HDAC9: variants seen among roughly 807,000 people sequenced by gnomAD.
HDAC9 encodes MEF-2 interacting transcription repressor (MITR) protein.
A neutral mutation model predicts 139.4 loss-of-function variants in HDAC9; 41 were observed. The ratio of observed to expected loss-of-function variants is 0.29; its 90% CI spans 0.23 to 0.38. The LOEUF is 0.38. Among genes scored for constraint, HDAC9 ranks in the 10% least tolerant of loss-of-function variants. The pLI, the probability that HDAC9 is intolerant of heterozygous loss-of-function variation, is 1.00. For missense variants in HDAC9, 1,147 were observed against 1,297.0 expected (o/e 0.88, Z 1.78); for synonymous variants, 517 against 476.2 (o/e 1.09, Z -1.12).
chr7:18,496,400 A>C, intron 2 of HDAC9, 76 bp downstream of exon 2: 1 of 1,294,570 alleles, frequency 7.7e-7, no homozygotes, highest in Non-Finnish European at 1.1e-6. Flanking sequence ...TAAGAAAAGC[A>C]CCTCTCTTAA....
chr7:18,835,644 G>A (rs768340352), intron 20 of HDAC9, 58 bp downstream of exon 20: 10 of 1,591,594 alleles, frequency 6.3e-6, no homozygotes, highest in South Asian at 4.4e-5. Context: ...TAATTGCATT[G>A]CATGATTACC....
At chr7:18,347,930 G>T (rs998005836) in intron 1 of HDAC9, among the ~76,000 whole-genome samples, 3 of 152,112 alleles carry the variant, frequency 2.0e-5, no homozygotes, top group Non-Finnish European at 2.9e-5. Flanking sequence ...CAAAGTAGAT[G>T]ATAAGTATTG....
At chr7:18,654,548 A>AG (rs1477357726) in intron 11 of HDAC9, among the ~76,000 whole-genome samples, 8 of 152,166 alleles carry the variant, frequency 5.3e-5, no homozygotes, top group Admixed American at 5.2e-4. Context: ...TGGCAGGGCT[A>AG]GTGCAGAGCT....
intron 11 of HDAC9, among the ~76,000 whole-genome samples, chr7:18,649,025 T>C (rs28444384): frequency 0.037 from 5,660 of 152,272 alleles, 375 homozygotes; most frequent in African/African-American, 0.13. Context: ...GAATGTGGTG[T>C]GTTGACATGT....
At chr7:18,867,150 C>T (rs180777010) in intron 21 of HDAC9, among the ~76,000 whole-genome samples, 264 of 152,244 alleles carry the variant, frequency 1.7e-3, no homozygotes, top group Non-Finnish European at 2.9e-3. Context: ...GGGGTGGAGA[C>T]ATGCAGGGAA....
intron 22 of HDAC9, among the ~76,000 whole-genome samples, chr7:18,934,514 G>A (rs1007842773): frequency 2.6e-5 from 4 of 152,178 alleles, no homozygotes; most frequent in Non-Finnish European, 5.9e-5. Flanking sequence ...TAACAGCACT[G>A]TGAAATTATG....
At chr7:18,949,422 C>T in intron 23 of HDAC9, 1 of 243,736 alleles carries the variant, frequency 4.1e-6, no homozygotes, top group Non-Finnish European at 8.2e-6. Flanking sequence ...TTAAGTGCTG[C>T]CCATTAATAT....
intron 13 of HDAC9, among the ~76,000 whole-genome samples, chr7:18,729,965 A>ATT (rs1469948302): frequency 6.6e-6 from 1 of 152,230 alleles, no homozygotes; most frequent in African/African-American, 2.4e-5. Context: ...CATTGTAACT[A>ATT]TTGTTCCGCT....
rs1004178841 is a variant in HDAC9, at chr7:18,524,069, A to C, written c.22+27745A>C. ...ACTATGAAAACATAGAGGGGAAAGAAGCACTTCTTCATCTGGCTGGGTTAG... is the reference window on the plus strand; with the variant it reads ...ACTATGAAAACATAGAGGGGAAAGACGCACTTCTTCATCTGGCTGGGTTAG... On this transcript the variant is annotated intron_variant, in intron 2 of 25. Transcript: ENST00000686413. Among the ~76,000 whole-genome samples the C allele has an allele frequency of 4.1e-4, 62 of 152,136 alleles. 2 individuals are homozygous for C. Among genetic ancestry groups the C allele is most frequent in the Non-Finnish European group, 1.8e-4 (12 of 68,020 alleles).
At chr7:18,887,493 C>A (rs941511663) in intron 22 of HDAC9, among the ~76,000 whole-genome samples, 1 of 152,078 alleles carries the variant, frequency 6.6e-6, no homozygotes, top group Non-Finnish European at 1.5e-5. Context: ...TAGTACAAAT[C>A]ACGTGTGCTT....
intron 24 of HDAC9, among the ~76,000 whole-genome samples, chr7:18,958,057 G>T (rs75432518): frequency 6.6e-6 from 1 of 152,108 alleles, no homozygotes; most frequent in Non-Finnish European, 1.5e-5. Context: ...CTGGAGGTGC[G>T]TTGGCTCCTT....
At chr7:18,249,101 T>C (rs1260234754) in intron 2 of HDAC9, among the ~76,000 whole-genome samples, 2 of 152,110 alleles carry the variant, frequency 1.3e-5, no homozygotes, top group Non-Finnish European at 2.9e-5. Context: ...CATAAAAAAA[T>C]CCTAATTAAT....
intron 24 of HDAC9, among the ~76,000 whole-genome samples, chr7:18,967,799 T>C (rs1563093231): frequency 6.6e-6 from 1 of 152,158 alleles, no homozygotes; most frequent in South Asian, 2.1e-4. Context: ...TAAAACTCTT[T>C]ACATAAACAT....
intron 13 of HDAC9, among the ~76,000 whole-genome samples, chr7:18,748,480 A>T (rs751331788): frequency 2.0e-5 from 3 of 152,236 alleles, no homozygotes; most frequent in Non-Finnish European, 2.9e-5. Context: ...GTTTTTGAAC[A>T]ACCTTGAAGA....
intron 1 of HDAC9, among the ~76,000 whole-genome samples, chr7:18,437,515 C>T (rs988877571): frequency 6.6e-6 from 1 of 150,612 alleles, no homozygotes; most frequent in Admixed American, 6.6e-5. Flanking sequence ...TATGTTGTAA[C>T]TTCCAGATAA....
intron 2 of HDAC9, among the ~76,000 whole-genome samples, chr7:18,166,047 G>C (rs1787990839): frequency 6.6e-6 from 1 of 152,112 alleles, no homozygotes; most frequent in South Asian, 2.1e-4. Flanking sequence ...CAGCCTGAAC[G>C]TTTTTAAATA....
At chr7:18,324,823 T>A (rs573398416) in intron 1 of HDAC9, among the ~76,000 whole-genome samples, 2 of 152,258 alleles carry the variant, frequency 1.3e-5, no homozygotes, top group Admixed American at 1.3e-4. Context: ...ACAGAAATAA[T>A]TATAATGCAG....
intron 17 of HDAC9, among the ~76,000 whole-genome samples, chr7:18,817,851 AT>A (rs902778056): frequency 4.2e-4 from 64 of 152,326 alleles, no homozygotes; most frequent in African/African-American, 1.5e-3. Context: ...GCACAAATAT[AT>A]TTAATAATTA....
intron 12 of HDAC9, among the ~76,000 whole-genome samples, chr7:18,717,409 T>C (rs1257127236): frequency 6.6e-6 from 1 of 152,064 alleles, no homozygotes; most frequent in East Asian, 1.9e-4. Context: ...CTTCCACCTC[T>C]TATGGATTGA....
Sources: gnomAD v4.1 joint callset for allele counts (sites outside exome capture counted in the v4.1 genomes callset) on GRCh38, gnomAD v4.1.1 for gene constraint, MANE v1.5 for transcripts, NCBI Gene and HGNC (gene_info 2026-07-23, HGNC 2026-07-21) for gene names.